Variants in GRM5 observed in about 807,000 individuals in gnomAD.
GRM5 encodes glutamate metabotropic receptor 5.
In GRM5, 19 loss-of-function variants were observed where a neutral mutation model predicts 83.1. That is an observed-to-expected ratio of 0.23 (90% confidence interval 0.16 to 0.34). The LOEUF (loss-of-function observed/expected upper bound fraction) is 0.34, where lower values mean the gene tolerates loss of function less well. Ranked by LOEUF, GRM5 falls within the 10% of genes least tolerant of loss-of-function variation. The pLI is 1.00. For missense variants in GRM5, 1,160 were observed against 1,588.3 expected (o/e 0.73, Z 4.58); for synonymous variants, 675 against 633.6 (o/e 1.07, Z -0.98).
At chr11:89,035,965 T>C (rs1218438534) in intron 2 of GRM5, among the ~76,000 whole-genome samples, 3 of 152,122 alleles carry the variant, frequency 2.0e-5, no homozygotes, top group Admixed American at 6.6e-5. Context: ...CACATAAGCA[T>C]GTCCAATTTG....
intron 2 of GRM5, among the ~76,000 whole-genome samples, chr11:89,008,498 C>T (rs988186597): frequency 3.3e-5 from 5 of 152,020 alleles, no homozygotes; most frequent in African/African-American, 1.2e-4. Context: ...CTATAGACAT[C>T]AAGGTTATCT....
At chr11:89,015,546 G>A (rs1444712453) in intron 2 of GRM5, among the ~76,000 whole-genome samples, 5 of 152,116 alleles carry the variant, frequency 3.3e-5, no homozygotes, top group African/African-American at 4.8e-5. Context: ...GTCTGCCCTC[G>A]TGGATATCTC....
In GRM5 at chr11:89,047,192, T is replaced by A; in HGVS notation, c.661+20A>T. ...TGAGTGCATAATAATATATACTCGATGTATGCAAAGGAAACTTACCTTCTG... is the reference window on the plus strand; with the variant it reads ...TGAGTGCATAATAATATATACTCGAAGTATGCAAAGGAAACTTACCTTCTG... On this transcript the variant is annotated intron_variant, in intron 2 of 9. Transcript: ENST00000305447. The surrounding 1 kb of genome is among the most constrained non-coding windows in gnomAD (Gnocchi z 5.1). 1.3e-6 allele frequency: 2 copies of A among 1,555,708 alleles called. No homozygotes were observed. Among genetic ancestry groups the A allele is most frequent in the Middle Eastern group, 1.7e-4 (1 of 5,830 alleles).
chr11:88,848,320 T>C (rs1217014044), intron 3 of GRM5, among the ~76,000 whole-genome samples: 1 of 152,210 alleles, frequency 6.6e-6, no homozygotes, highest in Non-Finnish European at 1.5e-5. Flanking sequence ...CCCATCAATC[T>C]ATTGCCATCA....
intron 1 of GRM5, among the ~76,000 whole-genome samples, chr11:89,064,914 G>GAGAC: frequency 1.6e-5 from 1 of 63,902 alleles, no homozygotes; most frequent in Non-Finnish European, 3.4e-5. Context: ...GTGTGTGTGT[G>GAGAC]TGAGAGAGAG....
chr11:88,978,177 T>C (rs1591014186), intron 2 of GRM5, among the ~76,000 whole-genome samples: 1 of 152,160 alleles, frequency 6.6e-6, no homozygotes, highest in African/African-American at 2.4e-5. Context: ...TAATGTTGTA[T>C]TGTACATTTA....
chr11:89,034,011 A>T (rs1266335197), intron 2 of GRM5, among the ~76,000 whole-genome samples: 1 of 147,608 alleles, frequency 6.8e-6, no homozygotes, highest in Non-Finnish European at 1.5e-5. Context: ...TGTTTATTTA[A>T]GTCTTTCCAG....
At chr11:88,599,872 G>T (rs1937928400) in intron 5 of GRM5, among the ~76,000 whole-genome samples, 1 of 152,238 alleles carries the variant, frequency 6.6e-6, no homozygotes. Context: ...AATTAGCCGG[G>T]CGTGGTGGCA....
At chr11:88,851,734 T>C (rs1177949919) in intron 2 of GRM5, among the ~76,000 whole-genome samples, 2 of 152,180 alleles carry the variant, frequency 1.3e-5, no homozygotes, top group Non-Finnish European at 2.9e-5. Flanking sequence ...TGAAGTTTTA[T>C]CTCCATGAAC....
intron 2 of GRM5, among the ~76,000 whole-genome samples, chr11:88,953,221 A>G (rs568737637): frequency 6.6e-6 from 1 of 152,332 alleles, no homozygotes; most frequent in African/African-American, 2.4e-5. Context: ...AAGGATCAAG[A>G]CACAATTATC....
intron 2 of GRM5, among the ~76,000 whole-genome samples, chr11:89,043,327 AT>A (rs943615842): frequency 3.5e-4 from 53 of 151,794 alleles, no homozygotes; most frequent in African/African-American, 9.4e-4. Flanking sequence ...ACAATATAAA[AT>A]TTTTTTTTGT....
At chr11:88,832,825 A>C (rs958048229) in intron 3 of GRM5, among the ~76,000 whole-genome samples, 1 of 152,190 alleles carries the variant, frequency 6.6e-6, no homozygotes, top group African/African-American at 2.4e-5. Context: ...TTTTTTATCC[A>C]AATGATTTTT....
chr11:88,788,425 A>T lies in GRM5; in HGVS notation c.911+61481T>A, dbSNP rs147975692. ...CATGGGCCATGTGAGGTGTTAAAGC[A>T]CATGGAAAAAAATGGGATGGTAGGA... is the stretch of plus-strand genomic sequence containing the variant. On this transcript the variant is annotated intron_variant, in intron 3 of 9. Coordinates refer to ENST00000305447, the MANE Select transcript of GRM5 (RefSeq NM_001143831.3). 1.7e-3 allele frequency among the ~76,000 whole-genome samples: 255 copies of T among 152,304 alleles called. 2 individuals carry two copies. The highest frequency in any genetic ancestry group is 5.9e-3 in the African/African-American group (246 of 41,584).
chr11:88,713,278 T>C (rs917116507), intron 3 of GRM5, among the ~76,000 whole-genome samples: 3 of 152,080 alleles, frequency 2.0e-5, no homozygotes, highest in Admixed American at 6.6e-5. Flanking sequence ...TCATGGCTTA[T>C]TACGGTGCAG....
chr11:88,778,026 CT>C (rs35462661), intron 3 of GRM5, among the ~76,000 whole-genome samples: 32,752 of 152,092 alleles, frequency 0.22, 4,677 homozygotes, highest in Non-Finnish European at 0.32. Flanking sequence ...CAGAAATTGT[CT>C]GCTGCCTTTT....
At chr11:88,966,505 C>T in intron 2 of GRM5, among the ~76,000 whole-genome samples, 1 of 152,090 alleles carries the variant, frequency 6.6e-6, no homozygotes, top group East Asian at 1.9e-4. Flanking sequence ...GAATAAGGGA[C>T]ATCATTACAT....
intron 9 of GRM5, among the ~76,000 whole-genome samples, chr11:88,520,088 T>C (rs1010802649): frequency 6.6e-6 from 1 of 152,182 alleles, no homozygotes; most frequent in Non-Finnish European, 1.5e-5. Flanking sequence ...CTGATCCTCA[T>C]TTTCCTGTGT....
At chr11:88,603,790 G>T (rs1938066608) in intron 5 of GRM5, among the ~76,000 whole-genome samples, 1 of 152,232 alleles carries the variant, frequency 6.6e-6, no homozygotes. Flanking sequence ...CTGACAGAAT[G>T]TGTGGGCACA....
chr11:88,928,278 A>T (rs1417092434), intron 2 of GRM5, among the ~76,000 whole-genome samples: 1 of 152,038 alleles, frequency 6.6e-6, no homozygotes, highest in Non-Finnish European at 1.5e-5. Context: ...TTGTAGGCGA[A>T]TCATTTCTCT....
Sources: allele counts gnomAD v4.1 joint callset (sites outside exome capture counted in the v4.1 genomes callset), GRCh38; gene constraint gnomAD v4.1.1; non-coding constraint Gnocchi (gnomAD v3.1); transcripts MANE v1.5; gene names NCBI Gene and HGNC (gene_info 2026-07-23, HGNC 2026-07-21).